APOA2: variants seen among roughly 807,000 people sequenced by gnomAD.
APOA2 encodes apolipoprotein A2.
Under a neutral mutation model 7.4 loss-of-function variants are expected in APOA2, and 3 were observed. The observed-to-expected ratio is 0.41, with a 90% CI of 0.18 to 1.05. APOA2 has a LOEUF of 1.05. Ranked by LOEUF, APOA2 falls within the 50% of genes least tolerant of loss-of-function variation. The probability of loss-of-function intolerance (pLI) is 0.33; values close to 1 mark genes in which losing one functional copy is unlikely to be tolerated. For synonymous variants in APOA2, 42 were observed against 47.8 expected (o/e 0.88, Z 0.50); for missense variants, 90 against 116.3 (o/e 0.77, Z 1.04).
At chr1:161,223,159 C>G in intron 2 of APOA2, 109 bp from the exon 3 acceptor site, 2 of 1,582,908 alleles carry the variant, frequency 1.3e-6, no homozygotes, top group Non-Finnish European at 1.7e-6. Flanking sequence ...AGTACCCACC[C>G]CAGCTCTCTG....
chr1:161,223,130 C>T, intron 2 of APOA2, 80 bp from the exon 3 acceptor site: 1 of 1,599,574 alleles, frequency 6.3e-7, no homozygotes, highest in Non-Finnish European at 8.5e-7. Context: ...GAATCCTGGC[C>T]TCCTGCCATA....
At chr1:161,222,841 C>T (rs1666192803) in intron 3 of APOA2, 77 bp downstream of exon 3, 3 of 1,611,484 alleles carry the variant, frequency 1.9e-6, no homozygotes, top group Non-Finnish European at 1.7e-6. Flanking sequence ...TGGGTTCAGA[C>T]TTCTGTGGGA....
In APOA2 at chr1:161,222,476, T is replaced by A. The variant is rs1165599781; in HGVS notation, c.232A>T (p.Lys78Ter). ...SKEQLTPLIK[K>*]AGTELVNFLS... is the part of the protein sequence containing the mutation. ...AAGTTAACCAGTTCCGTTCCAGCCTTCTTGATCAGGGGTGTCAGCTGCTCC... is the reference window on the plus strand; with the variant it reads ...AAGTTAACCAGTTCCGTTCCAGCCTACTTGATCAGGGGTGTCAGCTGCTCC... Residue 78 changes from lysine to a stop codon, truncating the protein, a stop_gained, in exon 4 of 4, where the codon AAG (lysine) becomes TAG (stop). Coordinates refer to ENST00000367990, the MANE Select transcript of APOA2 (RefSeq NM_001643.2). LOFTEE classifies it low-confidence loss of function (END_TRUNC). The A allele has an allele frequency of 1.2e-6, 2 of 1,614,192 alleles. No homozygotes were observed.
At chr1:161,223,082 C>CAT in intron 2 of APOA2, 32 bp from the exon 3 acceptor site, 1 of 1,607,938 alleles carries the variant, frequency 6.2e-7, no homozygotes. Context: ...CACACACACA[C>CAT]ACACACACAC....
In APOA2 at chr1:161,223,018, A is replaced by G. The variant is rs1268614903; in HGVS notation, c.85T>C (p.Cys29Arg). The stretch of plus-strand genomic sequence containing the variant: ...TACTGAGAAACCAGGCTCTCCACAC[A>G]TGGCTCCTTTGCCTGTCTCCGAACC... ...ALVRRQAKEP[C>R]VESLVSQYFQ... Residue 29 changes from cysteine to arginine, a missense_variant, in exon 3 of 4, where the codon TGT becomes CGT. Cys to Arg is a radical substitution (Grantham distance 180, BLOSUM62 -3). Transcript: ENST00000367990. The G allele has an allele frequency of 1.3e-5, 21 of 1,613,520 alleles. No individual in the cohort carries two copies. The highest frequency in any genetic ancestry group is 1.6e-5 in the Non-Finnish European group (19 of 1,179,952).
At chr1:161,223,137 C>T (rs1320509815) in intron 2 of APOA2, 87 bp from the exon 3 acceptor site, 1 of 1,599,420 alleles carries the variant, frequency 6.3e-7, no homozygotes, top group African/African-American at 1.3e-5. Flanking sequence ...GGCCTCCTGC[C>T]ATACCTCTGC....
Position 161,223,035 on chromosome 1 carries a change from C to T in APOA2, c.68G>A (p.Arg23Lys), listed in dbSNP as rs1666196095. 5.0e-6 allele frequency: 8 copies of T among 1,611,862 alleles called. No homozygotes were observed. The highest frequency in any genetic ancestry group is 5.9e-6 in the Non-Finnish European group (7 of 1,179,734). ...ICSLEGALVR[R>K]QAKEPCVESL... The stretch of plus-strand genomic sequence containing the variant: ...CTCCACACATGGCTCCTTTGCCTGT[C>T]TCCGAACCAAAGCTCCTGCCCACAC... The change falls in exon 3 of 4, where the codon AGA becomes AAA. Residue 23 changes from arginine (R) to lysine (K), a missense_variant. By Grantham distance (26) the Arg-to-Lys change is conservative. Coordinates refer to ENST00000367990, the MANE Select transcript of APOA2 (RefSeq NM_001643.2).
In APOA2 at chr1:161,222,525, G is replaced by A. The variant is rs1223655288; in HGVS notation, c.186-3C>T. The A allele has an allele frequency of 1.9e-6, 3 of 1,611,398 alleles. No individual in the cohort carries two copies. Among genetic ancestry groups the A allele is most frequent in the Non-Finnish European group, 2.5e-6 (3 of 1,177,634 alleles). ...CCTTTGACTTTTCAAAGTAAGACCT[G>A]GATAGGTGAGGGGATTAGAGTTTAA... is the stretch of plus-strand genomic sequence containing the variant. On this transcript the variant is annotated splice_polypyrimidine_tract_variant and splice_region_variant and intron_variant, in intron 3 of 3. Transcript: ENST00000367990.
intron 1 of APOA2, 65 bp downstream of exon 1, chr1:161,223,530 C>T: frequency 1.1e-6 from 1 of 917,194 alleles, no homozygotes; most frequent in Non-Finnish European, 1.7e-6. Context: ...TGGCTCTCTC[C>T]CTCTCCACAA....
rs940369794 is a variant in APOA2, at chr1:161,222,530, G to A, written c.186-8C>T. 1.2e-6 allele frequency: 2 copies of A among 1,610,464 alleles called. No individual in the cohort carries two copies. The highest frequency in any genetic ancestry group is 2.2e-5 in the East Asian group (1 of 44,884). On this transcript the variant is annotated splice_polypyrimidine_tract_variant and splice_region_variant and intron_variant, in intron 3 of 3. Transcript: ENST00000367990. ...GACTTTTCAAAGTAAGACCTGGATA[G>A]GTGAGGGGATTAGAGTTTAATCTGA... is the stretch of plus-strand genomic sequence containing the variant.
chr1:161,223,309 G>A, intron 2 of APOA2, 41 bp downstream of exon 2: 2 of 1,611,290 alleles, frequency 1.2e-6, no homozygotes, highest in Non-Finnish European at 1.7e-6. Context: ...ATAACCACCA[G>A]CACATTCTCC....
chr1:161,223,242 C>T lies in APOA2; in HGVS notation c.52+108G>A, dbSNP rs770917260. On this transcript the variant is annotated intron_variant, in intron 2 of 3. Transcript: ENST00000367990. ...GGGCTTTAGAGAGGGAATGATCTTC[C>T]TTTTGAGCCCTTTGGTTGCCAGACC... is the stretch of plus-strand genomic sequence containing the variant. The T allele has an allele frequency of 1.9e-6, 3 of 1,562,734 alleles. No homozygotes were observed. The South Asian group carries it at 3.5e-5, about 18-fold the overall frequency.
intron 2 of APOA2, 111 bp from the exon 3 acceptor site, chr1:161,223,161 A>G: frequency 3.2e-6 from 5 of 1,579,812 alleles, no homozygotes; most frequent in Non-Finnish European, 4.3e-6. Flanking sequence ...TACCCACCCC[A>G]GCTCTCTGCC....
chr1:161,222,304 G>A lies in APOA2; in HGVS notation c.*101C>T, dbSNP rs1431828282. Reference sequence around the variant, plus strand: ...CCAGGCTCAGAGCTGGATTCATTCAGCATTTATTGTAGCAAAGAGTGGGTA... The same window carrying A: ...CCAGGCTCAGAGCTGGATTCATTCAACATTTATTGTAGCAAAGAGTGGGTA... On this transcript the variant is annotated 3_prime_UTR_variant, in exon 4 of 4. Transcript: ENST00000367990. 1.2e-6 allele frequency: 1 copy of A among 865,400 alleles called. No individual in the cohort carries two copies. Among genetic ancestry groups the A allele is most frequent in the Non-Finnish European group, 1.9e-6 (1 of 517,498 alleles). 53.6% of individuals were successfully genotyped at this position (865,400 alleles called of 1,614,324 possible).
At position 161,223,625 on chromosome 1, in the gene APOA2, G is replaced by T; in HGVS notation, c.-55C>A. ...CAGCGTCTCTGTCCTTGGTGTCTGTGCCTGCCCTGGCTGGAGAGGAAGGGG... is the reference window on the plus strand; with the variant it reads ...CAGCGTCTCTGTCCTTGGTGTCTGTTCCTGCCCTGGCTGGAGAGGAAGGGG... On this transcript the variant is annotated 5_prime_UTR_variant, in exon 1 of 4. Coordinates refer to ENST00000367990, the MANE Select transcript of APOA2 (RefSeq NM_001643.2). 1 of 620,736 alleles carries T rather than the reference G, an allele frequency of 1.6e-6. No individual in the cohort carries two copies. The highest frequency in any genetic ancestry group is 2.9e-6 in the Non-Finnish European group (1 of 347,814). 38.5% of individuals were successfully genotyped at this position (620,736 alleles called of 1,614,324 possible).
chr1:161,223,129 C>G (rs1157353261), intron 2 of APOA2, 79 bp from the exon 3 acceptor site: 1 of 1,600,108 alleles, frequency 6.2e-7, no homozygotes, highest in Non-Finnish European at 8.5e-7. Flanking sequence ...TGAATCCTGG[C>G]CTCCTGCCAT....
chr1:161,223,478 G>C, intron 1 of APOA2, 53 bp from the exon 2 acceptor site: 1 of 1,461,210 alleles, frequency 6.8e-7, no homozygotes, highest in Non-Finnish European at 9.5e-7. Context: ...ATGGGCTTCA[G>C]CTCCTCCCCA....
chr1:161,222,853 C>T, intron 3 of APOA2, 65 bp downstream of exon 3: 4 of 1,612,120 alleles, frequency 2.5e-6, no homozygotes, highest in Non-Finnish European at 3.4e-6. Context: ...TCTGTGGGAC[C>T]TCTCATCTTC....
intron 3 of APOA2, 58 bp from the exon 4 acceptor site, chr1:161,222,580 C>G: frequency 6.7e-7 from 1 of 1,489,238 alleles, no homozygotes; most frequent in African/African-American, 1.4e-5. Context: ...TGGCAGGGGC[C>G]TTGGTGGTGG....
Sources: allele counts gnomAD v4.1 joint callset, GRCh38; gene constraint gnomAD v4.1.1; transcripts MANE v1.5; gene names NCBI Gene and HGNC (gene_info 2026-07-23, HGNC 2026-07-21).